FRMD5: variants seen among roughly 807,000 people sequenced by gnomAD.
FRMD5 encodes FERM domain containing 5.
Under a neutral mutation model 69.0 loss-of-function variants are expected in FRMD5, and 20 were observed. The ratio of observed to expected loss-of-function variants is 0.29; its 90% CI spans 0.20 to 0.42. FRMD5 has a LOEUF of 0.42. Ranked by LOEUF, FRMD5 falls within the 10% of genes least tolerant of loss-of-function variation. The pLI is 1.00. For synonymous variants in FRMD5, 271 were observed against 260.1 expected (o/e 1.04, Z -0.40); for missense variants, 595 against 708.6 (o/e 0.84, Z 1.82).
intron 7 of FRMD5, among the ~76,000 whole-genome samples, chr15:43,898,602 G>A (rs965468691): frequency 1.3e-5 from 2 of 152,334 alleles, no homozygotes; most frequent in South Asian, 4.1e-4. Flanking sequence ...AGTGCTGCAG[G>A]AGACCCAGGC....
intron 1 of FRMD5, among the ~76,000 whole-genome samples, chr15:43,935,347 G>C (rs181415471): frequency 1.3e-5 from 2 of 152,286 alleles, no homozygotes; most frequent in East Asian, 3.9e-4. Flanking sequence ...AGCCGGGTGT[G>C]GTGGCGGGTG....
chr15:43,958,341 A>G (rs948040848), intron 1 of FRMD5, among the ~76,000 whole-genome samples: 10 of 152,322 alleles, frequency 6.6e-5, no homozygotes, highest in African/African-American at 2.4e-4. Context: ...AACAATCTAG[A>G]AAGAAAAAAA....
intron 1 of FRMD5, among the ~76,000 whole-genome samples, chr15:44,029,456 AT>A (rs905168212): frequency 6.4e-4 from 98 of 152,324 alleles, no homozygotes; most frequent in African/African-American, 2.2e-3. Context: ...CAGCAACTTT[AT>A]TTTACCTGCC....
Position 44,144,344 on chromosome 15 carries a change from T to C in FRMD5, c.102+50609A>G, listed in dbSNP as rs574330167. Among the ~76,000 whole-genome samples the C allele has an allele frequency of 6.6e-5, 10 of 152,314 alleles. No homozygotes were observed. In the South Asian group the frequency reaches 1.2e-3, roughly 19 times the overall value. On this transcript the variant is annotated intron_variant, in intron 1 of 13. Coordinates refer to ENST00000417257, the MANE Select transcript of FRMD5 (RefSeq NM_032892.5). ...CTCAGCCTCCAATTCTGTATCAGCTTGTGGTCTGAATGTTCCCTCTTATCT... is the reference window on the plus strand; with the variant it reads ...CTCAGCCTCCAATTCTGTATCAGCTCGTGGTCTGAATGTTCCCTCTTATCT...
chr15:43,973,839 C>T (rs1179172492), intron 1 of FRMD5, among the ~76,000 whole-genome samples: 4 of 150,284 alleles, frequency 2.7e-5, no homozygotes, highest in South Asian at 2.1e-4. Context: ...ATCCAATTTG[C>T]GGATATCTAG....
chr15:44,196,001 C>T (rs1025039310), upstream of FRMD5, among the ~76,000 whole-genome samples: 5 of 152,162 alleles, frequency 3.3e-5, no homozygotes, highest in Admixed American at 2.0e-4. Context: ...GAAATTATGT[C>T]TTCAGACTTT....
At chr15:43,894,758 C>T (rs2088875092) in intron 7 of FRMD5, among the ~76,000 whole-genome samples, 1 of 152,158 alleles carries the variant, frequency 6.6e-6, no homozygotes, top group Admixed American at 6.5e-5. Flanking sequence ...AGAGCACCCC[C>T]ACTAGAACCA....
chr15:44,123,573 T>C (rs1268911804), intron 1 of FRMD5, among the ~76,000 whole-genome samples: 2 of 152,102 alleles, frequency 1.3e-5, no homozygotes. Flanking sequence ...TCTGTAGAAT[T>C]AAATATTTTT....
chr15:43,955,067 T>C (rs893096141), intron 1 of FRMD5, among the ~76,000 whole-genome samples: 9 of 152,248 alleles, frequency 5.9e-5, no homozygotes, highest in African/African-American at 2.2e-4. Flanking sequence ...GTAAATTTAT[T>C]TGCCTTTGAT....
intron 1 of FRMD5, among the ~76,000 whole-genome samples, chr15:43,973,465 T>A (rs1356914170): frequency 2.0e-5 from 3 of 151,902 alleles, no homozygotes; most frequent in Non-Finnish European, 4.4e-5. Flanking sequence ...CCTCCCAGGT[T>A]CAAGCGATTC....
At chr15:44,025,132 AG>A (rs1891374757) in intron 1 of FRMD5, among the ~76,000 whole-genome samples, 1 of 152,230 alleles carries the variant, frequency 6.6e-6, no homozygotes, top group Non-Finnish European at 1.5e-5. Flanking sequence ...GCTGGCCAAC[AG>A]AAAGTTCTCA....
intron 1 of FRMD5, among the ~76,000 whole-genome samples, chr15:44,143,924 CAAAAAAAA>C (rs58823511): frequency 1.1e-5 from 1 of 92,724 alleles, no homozygotes; most frequent in African/African-American, 4.2e-5. Context: ...ACTCTGTCAC[CAAAAAAAA>C]AAAAAAAAAA....
intron 1 of FRMD5, among the ~76,000 whole-genome samples, chr15:44,029,512 T>A (rs1891586212): frequency 6.6e-6 from 1 of 152,238 alleles, no homozygotes; most frequent in Non-Finnish European, 1.5e-5. Context: ...ATAGGTATTC[T>A]AGTGGCTAGG....
At chr15:44,072,552 A>G (rs1893586702) in intron 1 of FRMD5, among the ~76,000 whole-genome samples, 1 of 152,236 alleles carries the variant, frequency 6.6e-6, no homozygotes, top group African/African-American at 2.4e-5. Context: ...AAAATGCTTT[A>G]GAATTATTAC....
At chr15:44,011,120 G>T (rs1352647923) in intron 1 of FRMD5, among the ~76,000 whole-genome samples, 1 of 151,178 alleles carries the variant, frequency 6.6e-6, no homozygotes, top group Non-Finnish European at 1.5e-5. Context: ...AAGAAGGAAA[G>T]AAGGTTAGGG....
chr15:44,146,946 A>G (rs1388702462), intron 1 of FRMD5, among the ~76,000 whole-genome samples: 1 of 151,906 alleles, frequency 6.6e-6, no homozygotes, highest in Non-Finnish European at 1.5e-5. Context: ...TTGCCCATTC[A>G]CTCTGATGGA....
Position 43,873,681 on chromosome 15 carries a change from G to T in FRMD5, c.*204C>A. The T allele has an allele frequency of 9.6e-5, 140 of 1,462,898 alleles. No homozygotes were observed. Among genetic ancestry groups the T allele is most frequent in the East Asian group, 2.4e-4 (9 of 36,798 alleles). The allele number at this position is 1,462,898 out of a possible 1,614,324, so 90.6% of individuals were successfully genotyped here. On this transcript the variant is annotated 3_prime_UTR_variant, in exon 14 of 14. Coordinates refer to ENST00000417257, the MANE Select transcript of FRMD5 (RefSeq NM_032892.5). ...TCTTGAAATAACTTCTGAAGAAAAT[G>T]AGTTTTCCCAGTTTGTTTAGACAGG...
chr15:44,027,387 T>C (rs1048557646), intron 1 of FRMD5, among the ~76,000 whole-genome samples: 2 of 152,198 alleles, frequency 1.3e-5, no homozygotes, highest in Non-Finnish European at 2.9e-5. Flanking sequence ...CCTCTTGTTA[T>C]GTAACATGGA....
At chr15:44,137,536 G>A (rs914730496) in intron 1 of FRMD5, among the ~76,000 whole-genome samples, 1 of 152,116 alleles carries the variant, frequency 6.6e-6, no homozygotes, top group African/African-American at 2.4e-5. Context: ...AACTCTAGAG[G>A]TAAGGAAGCC....
Sources: gnomAD v4.1 joint callset for allele counts (sites outside exome capture counted in the v4.1 genomes callset) on GRCh38, gnomAD v4.1.1 for gene constraint, MANE v1.5 for transcripts, NCBI Gene and HGNC (gene_info 2026-07-23, HGNC 2026-07-21) for gene names.